Variants in LYSMD1 observed in about 807,000 individuals in gnomAD.
The protein encoded by LYSMD1 is lysM and putative peptidoglycan-binding domain-containing protein 1.
Under a neutral mutation model 19.3 loss-of-function variants are expected in LYSMD1, and 9 were observed. The ratio of observed to expected loss-of-function variants is 0.47; its 90% CI spans 0.28 to 0.81. The LOEUF is 0.81. Ranked by LOEUF, LYSMD1 falls within the 40% of genes least tolerant of loss-of-function variation. The probability of loss-of-function intolerance (pLI) is 0.11; values close to 1 mark genes in which losing one functional copy is unlikely to be tolerated. For synonymous variants in LYSMD1, 111 were observed against 111.7 expected, an observed-to-expected ratio of 0.99 and a Z score of 0.04; for missense variants, 262 against 279.8, an observed-to-expected ratio of 0.94 and a Z score of 0.45.
rs961571358 is a variant in LYSMD1 at position 151,160,111 on chromosome 1, A to G, written c.*771T>C. 2 of 151,630 alleles carry G rather than the reference A, an allele frequency of 1.3e-5. No homozygotes were observed. The highest frequency in any genetic ancestry group is 2.9e-5 in the Non-Finnish European group (2 of 67,928). The allele number at this position is 151,630 out of a possible 1,614,324, so 9.4% of individuals were successfully genotyped here. A position where few individuals can be genotyped will look rare whatever the true frequency, so the allele number is the denominator to read the frequency against. Reference sequence around the variant, plus strand: ...CACAGGCTGAGCAGAACAGGTCAGAAGGGTGAACTGGTAGAATGGAGAGTT... The same window carrying G: ...CACAGGCTGAGCAGAACAGGTCAGAGGGGTGAACTGGTAGAATGGAGAGTT... On this transcript the variant is annotated 3_prime_UTR_variant, in exon 3 of 3. Transcript: ENST00000368908.
intron 1 of LYSMD1, among the ~76,000 whole-genome samples, chr1:151,163,203 A>G (rs1303102619): frequency 5.9e-5 from 9 of 151,968 alleles, no homozygotes; most frequent in Admixed American, 5.9e-4. Flanking sequence ...GTATTCATCA[A>G]CTATCACTCC....
chr1:151,151,375 A>G, the LYSMD1 span, among the ~76,000 whole-genome samples: 2 of 121,410 alleles, frequency 1.6e-5, no homozygotes, highest in Non-Finnish European at 3.5e-5. Flanking sequence ...TTTTTTTTGT[A>G]TTTTCAGTAG....
At position 151,162,118 on chromosome 1, in the gene LYSMD1, C is replaced by A; in HGVS notation, c.181-18G>T. On this transcript the variant is annotated intron_variant, in intron 1 of 2. Coordinates refer to ENST00000368908, the MANE Select transcript of LYSMD1 (RefSeq NM_212551.5). ...TGTTCCATCTTAAAAAAAAAAGTCA[C>A]CAAAATTAAGGACAGTAATAATGAT... 5 of 1,578,772 alleles carry A rather than the reference C, an allele frequency of 3.2e-6. No homozygotes were observed. The highest frequency in any genetic ancestry group is 4.3e-6 in the Non-Finnish European group (5 of 1,170,392).
downstream of LYSMD1, chr1:151,158,804 G>A: frequency 6.2e-7 from 1 of 1,614,166 alleles, no homozygotes; most frequent in Non-Finnish European, 8.5e-7. Context: ...GAGACAAGCA[G>A]TGAGGTGCTA....
Position 151,165,528 on chromosome 1 carries a change from T to G in LYSMD1, c.-270A>C, listed in dbSNP as rs936473466. The G allele has an allele frequency of 6.9e-6, 10 of 1,447,102 alleles. No homozygotes were observed. The highest frequency in any genetic ancestry group is 4.3e-5 in the African/African-American group (3 of 69,926). 89.6% of individuals were successfully genotyped at this position (1,447,102 alleles called of 1,614,324 possible). A position where few individuals can be genotyped will look rare whatever the true frequency, so the allele number is the denominator to read the frequency against. On this transcript the variant is annotated 5_prime_UTR_variant, in exon 1 of 3. Transcript: ENST00000368908. The stretch of plus-strand genomic sequence containing the variant: ...CTCCGACTTTGGACTCCCCCACAAC[T>G]CCTCGCTACATTGACCTCTGACCTT...
intron 1 of LYSMD1, 121 bp downstream of exon 1, chr1:151,164,958 C>T: frequency 3.7e-6 from 3 of 803,704 alleles, no homozygotes; most frequent in Non-Finnish European, 5.9e-6. Context: ...AAGATAAAGG[C>T]AGAACAGAGT....
At chr1:151,152,097 C>A in the LYSMD1 span, among the ~76,000 whole-genome samples, 5 of 149,196 alleles carry the variant, frequency 3.4e-5, no homozygotes, top group Admixed American at 1.3e-4. Flanking sequence ...CAACAAAAAA[C>A]AAAAACAAAA....
chr1:151,160,914 G>T lies in LYSMD1; in HGVS notation c.652C>A (p.Arg218=), dbSNP rs369851641. The change falls in exon 3 of 3, where the codon CGG becomes AGG. Residue 218 remains arginine, a synonymous_variant. Coordinates refer to ENST00000368908, the MANE Select transcript of LYSMD1 (RefSeq NM_212551.5). ...LTRTSRTRTL[R]DQEDEIFKL ...TTGAAGATTTCATCCTCCTGGTCCC[G>T]TAGTGTCCGGGTCCGAGAGGTACGG... The T allele has an allele frequency of 6.2e-7, 1 of 1,614,014 alleles. No homozygotes were observed. Among genetic ancestry groups the T allele is most frequent in the Admixed American group, 1.7e-5 (1 of 60,008 alleles).
rs1352706706 is a variant in LYSMD1, at chr1:151,160,872, T to C, written c.*10A>G. ...CAACATCTTGCTTCTCTCAGTCAGT[T>C]CTGGGGACATCAGAGTTTGAAGATT... On this transcript the variant is annotated 3_prime_UTR_variant, in exon 3 of 3. Transcript: ENST00000368908. The C allele has an allele frequency of 3.6e-5, 58 of 1,613,180 alleles. No homozygotes were observed. The highest frequency in any genetic ancestry group is 4.8e-5 in the Non-Finnish European group (57 of 1,179,340).
the LYSMD1 span, among the ~76,000 whole-genome samples, chr1:151,151,424 C>T: frequency 2.7e-5 from 4 of 149,418 alleles, no homozygotes; most frequent in Admixed American, 6.7e-5. Flanking sequence ...TGGTCTCGAT[C>T]TTCTGACCTC....
chr1:151,158,398 G>C (rs974003758), downstream of LYSMD1, among the ~76,000 whole-genome samples: 5 of 151,780 alleles, frequency 3.3e-5, no homozygotes, highest in African/African-American at 1.2e-4. Context: ...ACTTCCCCTT[G>C]AGATGTAACT....
At chr1:151,162,219 A>G in intron 1 of LYSMD1, 119 bp from the exon 2 acceptor site, 1 of 971,040 alleles carries the variant, frequency 1.0e-6, no homozygotes, top group Non-Finnish European at 1.5e-6. Flanking sequence ...GCTAAAGTAC[A>G]AAGGGCTGAC....
the LYSMD1 span, among the ~76,000 whole-genome samples, chr1:151,153,580 G>A: frequency 8.6e-5 from 13 of 151,898 alleles, no homozygotes; most frequent in South Asian, 2.1e-4. Context: ...GCTTGAATCC[G>A]GGAGGTGGAG....
downstream of LYSMD1, among the ~76,000 whole-genome samples, chr1:151,158,268 AAC>A (rs1683295618): frequency 6.6e-6 from 1 of 151,782 alleles, no homozygotes; most frequent in Admixed American, 6.6e-5. Context: ...GGTTGCAGTG[AAC>A]AGAGATCACA....
downstream of LYSMD1, among the ~76,000 whole-genome samples, chr1:151,157,540 C>T (rs1683266240): frequency 6.6e-6 from 1 of 152,154 alleles, no homozygotes; most frequent in Non-Finnish European, 1.5e-5. Context: ...GGACTGCCTG[C>T]CCTTCTTGAG....
At chr1:151,158,726 C>T (rs1683318131), downstream of LYSMD1, 1 of 1,609,008 alleles carries the variant, frequency 6.2e-7, no homozygotes, top group African/African-American at 1.3e-5. Context: ...AAGAGCCTGG[C>T]ACTGCAAGCA....
downstream of LYSMD1, among the ~76,000 whole-genome samples, chr1:151,157,277 C>G (rs183549968): frequency 2.4e-3 from 368 of 152,266 alleles, 3 homozygotes; most frequent in African/African-American, 8.4e-3. Flanking sequence ...AAGGATTCAG[C>G]TGGGGAAAAA....
chr1:151,165,838 A>G lies in LYSMD1; in HGVS notation c.-580T>C, dbSNP rs1683667840. The G allele has an allele frequency of 1.4e-6, 2 of 1,404,360 alleles. No homozygotes were observed. Among genetic ancestry groups the G allele is most frequent in the African/African-American group, 1.4e-5 (1 of 70,230 alleles). The allele number at this position is 1,404,360 out of a possible 1,614,324, so 87.0% of individuals were successfully genotyped here. On this transcript the variant is annotated 5_prime_UTR_variant, in exon 1 of 3. Transcript: ENST00000368908. ...CACATCTAGGTTGTTGTCCCTCCAA[A>G]CGCCTCAGATCCGCCAAGATGCAAG...
the LYSMD1 span, among the ~76,000 whole-genome samples, chr1:151,149,609 G>C: frequency 6.6e-6 from 1 of 151,972 alleles, no homozygotes; most frequent in Non-Finnish European, 1.5e-5. Context: ...GAATTAGCCG[G>C]GCGTGGCGGT....
Sources: gnomAD v4.1 joint callset for allele counts (sites outside exome capture counted in the v4.1 genomes callset) on GRCh38, gnomAD v4.1.1 for gene constraint, MANE v1.5 for transcripts, NCBI Gene and HGNC (gene_info 2026-07-23, HGNC 2026-07-21) for gene names.